The following FRS2 variants were observed in gnomAD, a reference collection of about 807,000 sequenced individuals.
FRS2 encodes fibroblast growth factor receptor substrate 2.
Under a neutral mutation model 43.9 loss-of-function variants are expected in FRS2, and 8 were observed. The ratio of observed to expected loss-of-function variants is 0.18; its 90% confidence interval spans 0.11 to 0.33. The LOEUF (loss-of-function observed/expected upper bound fraction) is 0.33. FRS2 is among the 10% of genes least tolerant of loss of function. The pLI is 1.00. For missense variants in FRS2, 534 were observed against 627.6 expected, an observed-to-expected ratio of 0.85 and a Z score of 1.59; for synonymous variants, 219 against 220.3, an observed-to-expected ratio of 0.99 and a Z score of 0.05.
intron 1 of FRS2, among the ~76,000 whole-genome samples, chr12:69,520,506 A>G (rs1334523104): frequency 2.0e-5 from 3 of 151,680 alleles, no homozygotes; most frequent in Non-Finnish European, 4.4e-5. Context: ...CTATGTCCAG[A>G]ATGATATTGC....
intron 1 of FRS2, among the ~76,000 whole-genome samples, chr12:69,510,794 A>G (rs73140579): frequency 0.02 from 3,038 of 152,248 alleles, 64 homozygotes; most frequent in South Asian, 0.067. Flanking sequence ...AATACCCTGC[A>G]CATTGTCTTT....
intron 3 of FRS2, among the ~76,000 whole-genome samples, chr12:69,546,786 A>C (rs913226250): frequency 6.6e-6 from 1 of 152,212 alleles, no homozygotes; most frequent in African/African-American, 2.4e-5. Flanking sequence ...TGAGAATATA[A>C]AATGGTACAG....
At chr12:69,502,531 G>A (rs1038074918) in intron 1 of FRS2, among the ~76,000 whole-genome samples, 1 of 152,008 alleles carries the variant, frequency 6.6e-6, no homozygotes, top group Admixed American at 6.6e-5. Flanking sequence ...ACCATGCCCG[G>A]CCACTGTGAT....
intron 4 of FRS2, among the ~76,000 whole-genome samples, chr12:69,568,753 T>C (rs1880506432): frequency 6.6e-6 from 1 of 152,100 alleles, no homozygotes; most frequent in Non-Finnish European, 1.5e-5. Context: ...TTAGAATAGG[T>C]GACCTTTGCA....
At chr12:69,573,577 C>T (rs747691838) in intron 8 of FRS2, among the ~76,000 whole-genome samples, 4 of 152,154 alleles carry the variant, frequency 2.6e-5, no homozygotes, top group Non-Finnish European at 4.4e-5. Flanking sequence ...ATTCATGTGC[C>T]TCAGCCTCCA....
chr12:69,472,348 C>T (rs542760985), intron 1 of FRS2, among the ~76,000 whole-genome samples: 1 of 151,866 alleles, frequency 6.6e-6, no homozygotes, highest in East Asian at 1.9e-4. Context: ...CCATCTCGGC[C>T]TTCCAAAGTG....
intron 3 of FRS2, among the ~76,000 whole-genome samples, chr12:69,557,140 G>C (rs1043283631): frequency 1.3e-5 from 2 of 152,160 alleles, no homozygotes; most frequent in Non-Finnish European, 2.9e-5. Context: ...TATTATGCTA[G>C]AGTTCTGTCC....
At chr12:69,535,795 A>G (rs1048656654) in intron 3 of FRS2, among the ~76,000 whole-genome samples, 3 of 152,190 alleles carry the variant, frequency 2.0e-5, no homozygotes, top group Non-Finnish European at 4.4e-5. Flanking sequence ...TAAGAAAGAC[A>G]TGGTAATTAA....
intron 3 of FRS2, among the ~76,000 whole-genome samples, chr12:69,551,997 A>G (rs936461593): frequency 1.3e-5 from 2 of 152,018 alleles, no homozygotes; most frequent in Admixed American, 1.3e-4. Flanking sequence ...GGTATATAAA[A>G]TATCAGTCTT....
At chr12:69,545,658 G>A (rs1183234927) in intron 3 of FRS2, among the ~76,000 whole-genome samples, 1 of 149,938 alleles carries the variant, frequency 6.7e-6, no homozygotes, top group Non-Finnish European at 1.5e-5. Context: ...TCGAGAGGCT[G>A]AGCAGGAGAA....
At chr12:69,475,145 A>T (rs569336419) in intron 1 of FRS2, among the ~76,000 whole-genome samples, 2 of 152,242 alleles carry the variant, frequency 1.3e-5, no homozygotes, top group Non-Finnish European at 2.9e-5. Flanking sequence ...GAACTTGAGT[A>T]TTAATGTGTA....
chr12:69,493,855 G>A (rs1158415080), intron 1 of FRS2, among the ~76,000 whole-genome samples: 1 of 152,162 alleles, frequency 6.6e-6, no homozygotes, highest in Admixed American at 6.5e-5. Flanking sequence ...CATATACATA[G>A]GATTTAATCA....
At chr12:69,573,003 T>C (rs1216916900) in intron 8 of FRS2, among the ~76,000 whole-genome samples, 1 of 152,176 alleles carries the variant, frequency 6.6e-6, no homozygotes, top group Non-Finnish European at 1.5e-5. Flanking sequence ...GCTAATTGTT[T>C]CATATTTTTA....
intron 1 of FRS2, among the ~76,000 whole-genome samples, chr12:69,525,673 A>G: frequency 6.6e-6 from 1 of 151,776 alleles, no homozygotes; most frequent in East Asian, 1.9e-4. Context: ...CTTCATCTTT[A>G]TTAACCATCA....
chr12:69,507,832 C>T (rs1356601591), intron 1 of FRS2, among the ~76,000 whole-genome samples: 1 of 152,006 alleles, frequency 6.6e-6, no homozygotes, highest in African/African-American at 2.4e-5. Flanking sequence ...CAAGACCAGC[C>T]TGACCAACAT....
At chr12:69,561,905 T>C (rs11177718) in intron 3 of FRS2, among the ~76,000 whole-genome samples, 8,365 of 152,132 alleles carry the variant, frequency 0.055, 580 homozygotes, top group East Asian at 0.38. Context: ...GAGAAGTGAG[T>C]TGTGCAAGTA....
intron 2 of FRS2, among the ~76,000 whole-genome samples, chr12:69,531,760 A>G (rs945251312): frequency 3.0e-4 from 46 of 152,346 alleles, no homozygotes; most frequent in Admixed American, 5.9e-4. Context: ...AAATTGCCAC[A>G]TATCATCAGG....
rs1279535133 is a variant in FRS2, at chr12:69,572,190, A to G, written c.485A>G (p.His162Arg). The change falls in exon 8 of 9, where the codon CAT becomes CGT. Residue 162 changes from histidine to arginine, a missense_variant. Around this residue, in one of 3 missense-constraint regions of FRS2, gnomAD observed 446 missense variants for 494.2 expected, o/e 0.90. Coordinates refer to ENST00000549921, the MANE Select transcript of FRS2 (RefSeq NM_001278356.2). ...RYPSFGDASSHPSSRHPSVGS... is the reference protein window; with the variant it reads ...RYPSFGDASSRPSSRHPSVGS... Reference sequence around the variant, plus strand: ...CCCTCATTTGGAGATGCTTCATCCCATCCGTCAAGCAGACATCCTTCTGTG... The same window carrying G: ...CCCTCATTTGGAGATGCTTCATCCCGTCCGTCAAGCAGACATCCTTCTGTG... The G allele has an allele frequency of 6.2e-7, 1 of 1,613,212 alleles. No homozygotes were observed. Among genetic ancestry groups the G allele is most frequent in the Non-Finnish European group, 8.5e-7 (1 of 1,179,162 alleles).
At chr12:69,484,777 A>G (rs955157007) in intron 1 of FRS2, among the ~76,000 whole-genome samples, 1 of 152,110 alleles carries the variant, frequency 6.6e-6, no homozygotes, top group Non-Finnish European at 1.5e-5. Flanking sequence ...ACGTTTTTTG[A>G]TGGCTGTTTA....
Sources: allele counts gnomAD v4.1 joint callset (sites outside exome capture counted in the v4.1 genomes callset), GRCh38; gene constraint gnomAD v4.1.1; regional missense constraint gnomAD v4.1.1; transcripts MANE v1.5; gene names NCBI Gene and HGNC (gene_info 2026-07-23, HGNC 2026-07-21).